The following CIMAP3 variants were observed in gnomAD, a reference collection of about 807,000 sequenced individuals.
The protein encoded by CIMAP3 is ciliary microtubule associated protein 3.
the CIMAP3 span, among the ~76,000 whole-genome samples, chr1:111,336,179 T>C: frequency 7.9e-3 from 1,205 of 152,222 alleles, 16 homozygotes; most frequent in African/African-American, 0.027. Flanking sequence ...AGAAAGGACA[T>C]CCACACCAAA....
chr1:111,325,632 C>A, the CIMAP3 span, among the ~76,000 whole-genome samples: 4 of 151,978 alleles, frequency 2.6e-5, no homozygotes, highest in Admixed American at 2.6e-4. Flanking sequence ...ATTTCACAAA[C>A]AACTTGGTAT....
At chr1:111,347,823 A>G in the CIMAP3 span, 3 of 1,274,028 alleles carry the variant, frequency 2.4e-6, no homozygotes, top group South Asian at 1.2e-5. Flanking sequence ...GCATTTGCAC[A>G]GGAGTGCAAA....
At chr1:111,347,624 T>TTC in the CIMAP3 span, 4 of 811,066 alleles carry the variant, frequency 4.9e-6, no homozygotes, top group East Asian at 6.3e-5. Flanking sequence ...TTTTCTTTCT[T>TTC]TTTTTTTTTT....
the CIMAP3 span, among the ~76,000 whole-genome samples, chr1:111,345,134 C>T: frequency 6.6e-6 from 1 of 152,102 alleles, no homozygotes; most frequent in Non-Finnish European, 1.5e-5. Context: ...AACAAAGTTG[C>T]CTAATGACAC....
chr1:111,346,769 C>A, the CIMAP3 span: 41 of 1,555,068 alleles, frequency 2.6e-5, no homozygotes, highest in East Asian at 2.3e-5. Flanking sequence ...AGTTCGCCCC[C>A]CTCCAGGAGT....
the CIMAP3 span, chr1:111,347,738 C>T: frequency 6.2e-7 from 1 of 1,612,428 alleles, no homozygotes; most frequent in Admixed American, 1.7e-5. Context: ...ACTTTGGGAG[C>T]CAGAACAGCT....
At chr1:111,340,106 A>G in the CIMAP3 span, among the ~76,000 whole-genome samples, 1 of 152,208 alleles carries the variant, frequency 6.6e-6, no homozygotes, top group East Asian at 1.9e-4. Flanking sequence ...GCAATGGGGA[A>G]AGGATTCCCT....
At chr1:111,352,469 G>T in the CIMAP3 span, 1 of 152,624 alleles carries the variant, frequency 6.6e-6, no homozygotes, top group African/African-American at 2.4e-5. Context: ...GATGCTGGGG[G>T]TGCCTAATTC....
At chr1:111,341,110 A>G in the CIMAP3 span, among the ~76,000 whole-genome samples, 9 of 151,556 alleles carry the variant, frequency 5.9e-5, no homozygotes, top group Admixed American at 3.3e-4. Flanking sequence ...CACAAGAACA[A>G]AAAACCAAAC....
the CIMAP3 span, among the ~76,000 whole-genome samples, chr1:111,336,518 T>A: frequency 6.6e-6 from 1 of 152,106 alleles, no homozygotes; most frequent in South Asian, 2.1e-4. Context: ...CTGATGGAGC[T>A]GAAAGCCAAG....
chr1:111,349,490 C>T, the CIMAP3 span: 1 of 152,316 alleles, frequency 6.6e-6, no homozygotes, highest in Non-Finnish European at 1.5e-5. Context: ...AGATCAAGGA[C>T]TTTCTTTTAT....
At chr1:111,337,222 A>G in the CIMAP3 span, among the ~76,000 whole-genome samples, 1 of 152,226 alleles carries the variant, frequency 6.6e-6, no homozygotes, top group Non-Finnish European at 1.5e-5. Context: ...AGGAACAACC[A>G]GTACCAGCCA....
the CIMAP3 span, among the ~76,000 whole-genome samples, chr1:111,340,213 G>T: frequency 6.6e-6 from 1 of 151,866 alleles, no homozygotes; most frequent in Non-Finnish European, 1.5e-5. Flanking sequence ...ATTCAAGATG[G>T]ATTAAAGACT....
the CIMAP3 span, chr1:111,346,918 G>T: frequency 6.2e-7 from 1 of 1,613,836 alleles, no homozygotes; most frequent in Non-Finnish European, 8.5e-7. Context: ...AGACGCTGCG[G>T]ATAACTACCC....
the CIMAP3 span, among the ~76,000 whole-genome samples, chr1:111,341,707 C>T: frequency 2.6e-5 from 4 of 152,146 alleles, no homozygotes; most frequent in African/African-American, 7.2e-5. Flanking sequence ...TTTAATCCCG[C>T]GTAGTCAGGC....
the CIMAP3 span, chr1:111,346,510 A>T: frequency 7.7e-7 from 1 of 1,292,920 alleles, no homozygotes; most frequent in Non-Finnish European, 1.1e-6. Context: ...CTGCCCCAGT[A>T]GTGGCTCGGT....
chr1:111,326,343 T>C, the CIMAP3 span, among the ~76,000 whole-genome samples: 36 of 152,250 alleles, frequency 2.4e-4, no homozygotes, highest in Non-Finnish European at 3.4e-4. Context: ...ACCATTCTAC[T>C]CTCTATTCTC....
the CIMAP3 span, among the ~76,000 whole-genome samples, chr1:111,336,513 G>A: frequency 6.6e-6 from 1 of 152,334 alleles, no homozygotes; most frequent in African/African-American, 2.4e-5. Context: ...AGGAGCTGAT[G>A]GAGCTGAAAG....
At chr1:111,341,265 G>A in the CIMAP3 span, among the ~76,000 whole-genome samples, 7 of 151,472 alleles carry the variant, frequency 4.6e-5, no homozygotes, top group Non-Finnish European at 1.0e-4. Flanking sequence ...GCTAGATGAC[G>A]AGTTAGTGGG....
Sources: allele counts gnomAD v4.1 joint callset (sites outside exome capture counted in the v4.1 genomes callset), GRCh38; gene constraint gnomAD v4.1.1; transcripts MANE v1.5; gene names NCBI Gene and HGNC (gene_info 2026-07-23, HGNC 2026-07-21).